Variants in SYNE2 observed in about 807,000 individuals in gnomAD.
The protein encoded by SYNE2 is spectrin repeat containing nuclear envelope protein 2, also known as nesprin-2.
A neutral mutation model predicts 856.3 loss-of-function variants in SYNE2; 431 were observed. The observed-to-expected ratio is 0.50, with a 90% CI of 0.47 to 0.55. The LOEUF (loss-of-function observed/expected upper bound fraction) is 0.55. Ranked by LOEUF, SYNE2 falls within the 20% of genes least tolerant of loss-of-function variation. SYNE2 has a pLI of 0.00. For synonymous variants in SYNE2, 2,923 were observed against 2,872.3 expected (o/e 1.02, Z -0.56); for missense variants, 8,129 against 8,023.2 (o/e 1.01, Z -0.50).
chr14:64,041,858 A>G (rs865874456), intron 45 of SYNE2, among the ~76,000 whole-genome samples: 4 of 152,072 alleles, frequency 2.6e-5, no homozygotes, highest in African/African-American at 7.2e-5. Flanking sequence ...TTAAAAAAAA[A>G]AAAAGAAAAA....
chr14:64,129,192 A>C (rs1472332685), intron 74 of SYNE2, among the ~76,000 whole-genome samples: 3 of 152,132 alleles, frequency 2.0e-5, no homozygotes, highest in African/African-American at 7.2e-5. Context: ...CTGTAGTCCC[A>C]CCTACTCCGG....
intron 1 of SYNE2, among the ~76,000 whole-genome samples, chr14:63,825,988 T>C (rs1489300579): frequency 1.3e-5 from 2 of 152,194 alleles, no homozygotes; most frequent in Non-Finnish European, 2.9e-5. Context: ...ATCTACAGAC[T>C]GAATCCAATA....
chr14:64,198,466 C>T (rs1160934051), intron 99 of SYNE2, among the ~76,000 whole-genome samples: 1 of 152,196 alleles, frequency 6.6e-6, no homozygotes, highest in Non-Finnish European at 1.5e-5. Context: ...CTCAGCAGTG[C>T]ACCTGATGAG....
At chr14:63,915,671 G>A (rs1003762877) in intron 2 of SYNE2, among the ~76,000 whole-genome samples, 1 of 151,864 alleles carries the variant, frequency 6.6e-6, no homozygotes, top group Non-Finnish European at 1.5e-5. Context: ...TTCAAACAAG[G>A]CTCATATGTT....
At chr14:63,951,005 C>G (rs771675805) in intron 7 of SYNE2, among the ~76,000 whole-genome samples, 30 of 148,976 alleles carry the variant, frequency 2.0e-4, no homozygotes, top group Non-Finnish European at 3.7e-4. Flanking sequence ...AGTTAGTGCT[C>G]ATATCTTTTT....
Position 64,130,105 on chromosome 14 carries a change from C to T in SYNE2, c.14197C>T (p.Pro4733Ser), listed in dbSNP as rs75568433. 1.5e-5 allele frequency: 24 copies of T among 1,614,154 alleles called. No individual in the cohort carries two copies. Among genetic ancestry groups the T allele is most frequent in the Non-Finnish European group, 2.0e-5 (24 of 1,180,032 alleles). ...AGCCAGGTACACAGAACTCAGCAGC[C>T]CTTTCGTCACTGAGAGCCAGCAAGA... is the stretch of plus-strand genomic sequence containing the variant. Reference protein sequence around the residue: ...LRARYTELSSPFVTESQQDAL... With the variant: ...LRARYTELSSSFVTESQQDAL... Residue 4733 changes from proline to serine, a missense_variant, in exon 76 of 116, where the codon CCT (proline) becomes TCT (serine). Around this residue, in one of 3 missense-constraint regions of SYNE2, gnomAD observed 5,410 missense variants for 5,284.8 expected, o/e 1.02. Transcript: ENST00000555002.
intron 66 of SYNE2, among the ~76,000 whole-genome samples, chr14:64,115,448 T>G (rs1046230614): frequency 1.3e-5 from 2 of 152,056 alleles, no homozygotes; most frequent in Non-Finnish European, 2.9e-5. Context: ...TAGCGATGTC[T>G]CAGCACAGTG....
At chr14:64,087,967 G>T in intron 58 of SYNE2, 111 bp downstream of exon 58, 1 of 1,145,938 alleles carries the variant, frequency 8.7e-7, no homozygotes, top group Non-Finnish European at 1.3e-6. Context: ...TGGATCACTT[G>T]AGGTCAGGAG....
chr14:63,879,408 G>A (rs1274011544), intron 1 of SYNE2, among the ~76,000 whole-genome samples: 1 of 152,188 alleles, frequency 6.6e-6, no homozygotes. Context: ...AGATCCAGGA[G>A]GCCATGAATC....
At chr14:63,904,122 C>T (rs1462344414) in intron 1 of SYNE2, among the ~76,000 whole-genome samples, 1 of 152,176 alleles carries the variant, frequency 6.6e-6, no homozygotes, top group East Asian at 1.9e-4. Flanking sequence ...TGGCCTCCAG[C>T]TCCATCCATG....
At chr14:64,066,372 C>T (rs961875664) in intron 51 of SYNE2, among the ~76,000 whole-genome samples, 5 of 152,062 alleles carry the variant, frequency 3.3e-5, no homozygotes, top group Non-Finnish European at 7.4e-5. Context: ...GTGGCACATG[C>T]CTGTAGTCCC....
intron 30 of SYNE2, among the ~76,000 whole-genome samples, chr14:64,006,102 T>C (rs767808278): frequency 5.3e-5 from 8 of 152,126 alleles, no homozygotes; most frequent in Non-Finnish European, 1.0e-4. Flanking sequence ...CAGTAGGCAG[T>C]AGAGAATGAA....
At chr14:64,086,265 T>G (rs559134002) in intron 57 of SYNE2, among the ~76,000 whole-genome samples, 4 of 152,342 alleles carry the variant, frequency 2.6e-5, no homozygotes, top group African/African-American at 9.6e-5. Flanking sequence ...TTGATAACAA[T>G]CACCATTAAA....
intron 65 of SYNE2, among the ~76,000 whole-genome samples, chr14:64,112,149 G>A (rs1189681727): frequency 3.9e-5 from 6 of 152,102 alleles, no homozygotes; most frequent in African/African-American, 1.4e-4. Context: ...AATTTTGTTC[G>A]CTCTTTTACA....
intron 7 of SYNE2, 30 bp from the exon 8 acceptor site, chr14:63,954,689 A>G (rs1244059446): frequency 1.9e-6 from 3 of 1,601,140 alleles, no homozygotes; most frequent in East Asian, 2.2e-5. Context: ...TTTTAATGGT[A>G]TTTGTCATGT....
At chr14:63,982,889 A>G in intron 17 of SYNE2, 95 bp downstream of exon 17, 3 of 1,279,542 alleles carry the variant, frequency 2.3e-6, no homozygotes, top group East Asian at 2.4e-5. Flanking sequence ...GATTTCTGGT[A>G]TATGCACAGT....
intron 1 of SYNE2, among the ~76,000 whole-genome samples, chr14:63,815,219 T>C (rs36144365): frequency 0.025 from 2,851 of 112,728 alleles, 191 homozygotes; most frequent in Admixed American, 0.043. Context: ...TATATATCCA[T>C]ATATATATCC....
At chr14:64,068,442 G>A (rs1236863967) in intron 51 of SYNE2, among the ~76,000 whole-genome samples, 1 of 152,026 alleles carries the variant, frequency 6.6e-6, no homozygotes, top group East Asian at 1.9e-4. Flanking sequence ...AATTCTTGCT[G>A]CTGCTTGTAT....
intron 94 of SYNE2, chr14:64,174,063 C>T: frequency 1.9e-6 from 1 of 525,448 alleles, no homozygotes; most frequent in Non-Finnish European, 3.4e-6. Flanking sequence ...GACCTTGTCT[C>T]TTAAATTTTT....
Sources: allele counts gnomAD v4.1 joint callset (sites outside exome capture counted in the v4.1 genomes callset), GRCh38; gene constraint gnomAD v4.1.1; regional missense constraint gnomAD v4.1.1; transcripts MANE v1.5; gene names NCBI Gene and HGNC (gene_info 2026-07-23, HGNC 2026-07-21).